FHIT: variants seen among roughly 807,000 people sequenced by gnomAD.
FHIT encodes bis(5'-adenosyl)-triphosphatase.
A neutral mutation model predicts 17.9 loss-of-function variants in FHIT; 19 were observed. The observed-to-expected ratio is 1.06, with a 90% CI of 0.74 to 1.56. The LOEUF is 1.56. Ranked by LOEUF, FHIT falls within the 40% of genes most tolerant of loss-of-function variation. The pLI, the probability that FHIT is intolerant of heterozygous loss-of-function variation, is 0.00. For missense variants in FHIT, 248 were observed against 189.2 expected (o/e 1.31, Z -1.82); for synonymous variants, 81 against 69.7 (o/e 1.16, Z -0.81).
chr3:60,314,435 C>T (rs1709079405), intron 5 of FHIT, among the ~76,000 whole-genome samples: 1 of 151,958 alleles, frequency 6.6e-6, no homozygotes, highest in African/African-American at 2.4e-5. Flanking sequence ...AAACTCAAAG[C>T]CCAGAAACTT....
intron 3 of FHIT, among the ~76,000 whole-genome samples, chr3:60,929,178 C>T (rs1002681000): frequency 2.0e-5 from 3 of 152,204 alleles, no homozygotes; most frequent in African/African-American, 7.2e-5. Context: ...ATGCTAAAAA[C>T]TCTCAATAAA....
At chr3:60,654,028 A>G (rs749229049) in intron 4 of FHIT, among the ~76,000 whole-genome samples, 56 of 152,168 alleles carry the variant, frequency 3.7e-4, no homozygotes, top group Admixed American at 1.6e-3. Flanking sequence ...CTGAGTTCAC[A>G]TGAGATCTGG....
At chr3:60,964,090 G>C (rs1327303120) in intron 3 of FHIT, among the ~76,000 whole-genome samples, 1 of 152,034 alleles carries the variant, frequency 6.6e-6, no homozygotes, top group African/African-American at 2.4e-5. Context: ...GTCTCTAAGG[G>C]CTTGCTTTAT....
At chr3:60,890,537 C>T (rs1373738962) in intron 3 of FHIT, among the ~76,000 whole-genome samples, 1 of 152,168 alleles carries the variant, frequency 6.6e-6, no homozygotes, top group African/African-American at 2.4e-5. Flanking sequence ...ATAACTGAAA[C>T]AATAACCCAA....
chr3:60,873,796 T>C (rs910487934), intron 3 of FHIT, among the ~76,000 whole-genome samples: 2 of 152,168 alleles, frequency 1.3e-5, no homozygotes, highest in African/African-American at 4.8e-5. Context: ...AATGTGTGCC[T>C]CCCATTTCAG....
chr3:59,834,420 G>GAGAGAGAC (rs968093028), intron 8 of FHIT, among the ~76,000 whole-genome samples: 4 of 152,176 alleles, frequency 2.6e-5, no homozygotes, highest in African/African-American at 9.6e-5. Flanking sequence ...ATGATAGAGA[G>GAGAGAGAC]AGAGAGACAG....
At chr3:60,205,327 A>G (rs951267536) in intron 5 of FHIT, among the ~76,000 whole-genome samples, 1 of 152,220 alleles carries the variant, frequency 6.6e-6, no homozygotes, top group Non-Finnish European at 1.5e-5. Context: ...ATCTCTCCAG[A>G]TATGTATATA....
chr3:60,673,348 A>C (rs2040552499), intron 4 of FHIT, among the ~76,000 whole-genome samples: 1 of 152,242 alleles, frequency 6.6e-6, no homozygotes, highest in Non-Finnish European at 1.5e-5. Context: ...AAAAGGAATT[A>C]GATCATGTCC....
intron 7 of FHIT, among the ~76,000 whole-genome samples, chr3:60,009,041 C>T (rs976236251): frequency 6.6e-6 from 1 of 152,064 alleles, no homozygotes; most frequent in Non-Finnish European, 1.5e-5. Context: ...TTAACTGATA[C>T]CAAAGTTAAT....
chr3:60,847,574 C>G (rs1051370959), intron 3 of FHIT, among the ~76,000 whole-genome samples: 7 of 152,176 alleles, frequency 4.6e-5, no homozygotes, highest in Admixed American at 4.6e-4. Context: ...CCCAGGAAAG[C>G]ACATGAACTC....
At chr3:60,075,243 A>G (rs768463158) in intron 5 of FHIT, among the ~76,000 whole-genome samples, 2 of 152,068 alleles carry the variant, frequency 1.3e-5, no homozygotes, top group African/African-American at 4.8e-5. Context: ...CAATCACTCA[A>G]TTTAAAGTGG....
intron 3 of FHIT, among the ~76,000 whole-genome samples, chr3:60,955,416 C>T (rs1276491768): frequency 6.6e-6 from 1 of 151,862 alleles, no homozygotes; most frequent in Non-Finnish European, 1.5e-5. Context: ...TAGCCAAAGT[C>T]TTGTGTCAAG....
intron 4 of FHIT, among the ~76,000 whole-genome samples, chr3:60,567,799 T>C (rs1159200079): frequency 6.6e-6 from 1 of 152,034 alleles, no homozygotes; most frequent in Non-Finnish European, 1.5e-5. Flanking sequence ...GGGTGAAGGA[T>C]ATGAACAGAC....
At position 60,121,709 on chromosome 3, in the gene FHIT, A is replaced by AAAACACACAC. The variant is rs1553690214; in HGVS notation, c.104-107558_104-107557insGTGTGTGTTT. Among the ~76,000 whole-genome samples, 491 of 116,392 alleles carry AAAACACACAC rather than the reference A, an allele frequency of 4.2e-3. 7 individuals carry two copies. The highest frequency in any genetic ancestry group is 0.015 in the African/African-American group (461 of 29,764). The allele number at this position is 116,392 out of a possible 152,430, so 76.4% of individuals were successfully genotyped here. On this transcript the variant is annotated intron_variant, in intron 5 of 9. Coordinates refer to ENST00000492590, the MANE Select transcript of FHIT (RefSeq NM_002012.4). ...AAAAAACAAACAAACAAACAAAACA[A>AAAACACACAC]ACACACACACACACACACACACACA... is the stretch of plus-strand genomic sequence containing the variant.
In FHIT at chr3:60,546,847, AG is replaced by A. The variant is rs557424663; in HGVS notation, c.-17-9869del. On this transcript the variant is annotated intron_variant, in intron 4 of 9. Transcript: ENST00000492590. ...TGTCTCGTTGTCTGCCACATGATGT[AG>A]GTACCCTTAAATACTAATAGTTTTC... Among the ~76,000 whole-genome samples the A allele has an allele frequency of 1.8e-3, 273 of 152,302 alleles. 1 individual carries two copies. The highest frequency in any genetic ancestry group is 6.3e-3 in the African/African-American group (261 of 41,574).
At chr3:60,968,067 A>T (rs1457797344) in intron 3 of FHIT, among the ~76,000 whole-genome samples, 1 of 152,252 alleles carries the variant, frequency 6.6e-6, no homozygotes, top group Non-Finnish European at 1.5e-5. Context: ...TTTAAAGGAA[A>T]GTGGCAAGAT....
intron 2 of FHIT, among the ~76,000 whole-genome samples, chr3:61,196,259 T>A (rs1219747170): frequency 6.6e-6 from 1 of 152,204 alleles, no homozygotes; most frequent in Non-Finnish European, 1.5e-5. Context: ...TTGCAGTTTT[T>A]AAATATTTGC....
At chr3:59,811,716 C>T (rs149638267) in intron 8 of FHIT, among the ~76,000 whole-genome samples, 1 of 152,320 alleles carries the variant, frequency 6.6e-6, no homozygotes, top group Non-Finnish European at 1.5e-5. Flanking sequence ...ACAGTCACTG[C>T]TGCAGAGAGA....
intron 5 of FHIT, chr3:60,536,275 C>T (rs1054871148): frequency 3.3e-5 from 5 of 152,144 alleles, no homozygotes; most frequent in African/African-American, 1.2e-4. Flanking sequence ...ACCAATGACA[C>T]TGGTCAATGA....
Sources: allele counts gnomAD v4.1 joint callset (sites outside exome capture counted in the v4.1 genomes callset), GRCh38; gene constraint gnomAD v4.1.1; transcripts MANE v1.5; gene names NCBI Gene and HGNC (gene_info 2026-07-23, HGNC 2026-07-21).